The following IARS2 variants were observed in gnomAD, a reference collection of about 807,000 sequenced individuals.
IARS2 encodes the protein isoleucyl-tRNA synthetase 2, mitochondrial.
A neutral mutation model predicts 126.3 loss-of-function variants in IARS2; 56 were observed. The observed-to-expected ratio is 0.44, with a 90% CI of 0.36 to 0.55. The LOEUF is 0.55. Among genes scored for constraint, IARS2 ranks in the 20% least tolerant of loss-of-function variants. IARS2 has a pLI of 0.00. For missense variants in IARS2, 1,127 were observed against 1,245.9 expected, an observed-to-expected ratio of 0.90 and a Z score of 1.44; for synonymous variants, 407 against 441.1, an observed-to-expected ratio of 0.92 and a Z score of 0.97.
intron 7 of IARS2, 94 bp from the exon 8 acceptor site, chr1:220,103,353 C>A: frequency 1.2e-6 from 1 of 802,546 alleles, no homozygotes; most frequent in South Asian, 1.6e-5. Flanking sequence ...GGCCTGAAGT[C>A]AGTTTTTTCT....
chr1:220,121,979 T>C (rs1371021970), intron 12 of IARS2, among the ~76,000 whole-genome samples: 1 of 152,184 alleles, frequency 6.6e-6, no homozygotes, highest in East Asian at 1.9e-4. Flanking sequence ...TAGTCCCAGC[T>C]ACTCAGGAGG....
At chr1:220,098,686 G>T (rs1218885159) in intron 2 of IARS2, among the ~76,000 whole-genome samples, 1 of 152,084 alleles carries the variant, frequency 6.6e-6, no homozygotes, top group Non-Finnish European at 1.5e-5. Flanking sequence ...AGAGATAAAT[G>T]ACTCTTAAAA....
intron 14 of IARS2, among the ~76,000 whole-genome samples, chr1:220,134,027 CTTTCATGACA>C (rs1657319404): frequency 6.6e-6 from 1 of 151,330 alleles, no homozygotes; most frequent in Admixed American, 6.6e-5. Flanking sequence ...TGTTCTGTGT[CTTTCATGACA>C]TTTCATGACA....
intron 15 of IARS2, among the ~76,000 whole-genome samples, chr1:220,135,010 C>T (rs909298233): frequency 4.6e-5 from 7 of 152,112 alleles, no homozygotes; most frequent in African/African-American, 9.7e-5. Flanking sequence ...TGAAGCAGTC[C>T]TCCTGCCTTG....
intron 9 of IARS2, 33 bp from the exon 10 acceptor site, chr1:220,107,028 G>C: frequency 1.5e-6 from 2 of 1,303,710 alleles, no homozygotes; most frequent in Non-Finnish European, 2.2e-6. Flanking sequence ...AAAATGTCTT[G>C]ATATTTTAAT....
At chr1:220,136,997 TA>T in intron 16 of IARS2, 86 bp downstream of exon 16, 1 of 692,584 alleles carries the variant, frequency 1.4e-6, no homozygotes, top group Non-Finnish European at 2.4e-6. Flanking sequence ...TACTTCAATG[TA>T]AAAATAAAAA....
intron 1 of IARS2, among the ~76,000 whole-genome samples, chr1:220,094,831 A>G (rs1008833124): frequency 6.6e-6 from 1 of 152,108 alleles, no homozygotes; most frequent in African/African-American, 2.4e-5. Context: ...GTAAATTCAC[A>G]TGTCCACATG....
At chr1:220,115,159 C>G (rs1656888855) in intron 12 of IARS2, among the ~76,000 whole-genome samples, 1 of 152,200 alleles carries the variant, frequency 6.6e-6, no homozygotes, top group Non-Finnish European at 1.5e-5. Flanking sequence ...GTATCTCTAT[C>G]TTCTGCTCTG....
chr1:220,117,357 A>G (rs1656938199), intron 12 of IARS2, among the ~76,000 whole-genome samples: 1 of 151,432 alleles, frequency 6.6e-6, no homozygotes, highest in Admixed American at 6.6e-5. Context: ...ACGCCCGGCT[A>G]ATTTTATATA....
At chr1:220,098,166 C>A (rs563093501) in intron 2 of IARS2, among the ~76,000 whole-genome samples, 52 of 152,276 alleles carry the variant, frequency 3.4e-4, no homozygotes, top group African/African-American at 1.3e-3. Context: ...GGATTACAGG[C>A]GTGAGCCACT....
chr1:220,100,963 A>AT (rs1203733402), intron 3 of IARS2, among the ~76,000 whole-genome samples: 3 of 152,112 alleles, frequency 2.0e-5, no homozygotes, highest in African/African-American at 7.2e-5. Flanking sequence ...TTGTTGACTG[A>AT]TTTTAGGTGT....
chr1:220,119,706 C>T (rs1013206564), intron 12 of IARS2, among the ~76,000 whole-genome samples: 4 of 151,952 alleles, frequency 2.6e-5, no homozygotes, highest in Admixed American at 6.6e-5. Flanking sequence ...ATGTCCAATA[C>T]AGTTGTTTAT....
At position 220,137,792 on chromosome 1, in the gene IARS2, G is replaced by T. The variant is rs1657408676; in HGVS notation, c.2050-126G>T. 16 of 962,678 alleles carry T rather than the reference G, an allele frequency of 1.7e-5. No homozygotes were observed. In the South Asian group the frequency reaches 2.5e-4, roughly 15 times the overall value. 59.6% of individuals were successfully genotyped at this position (962,678 alleles called of 1,614,324 possible). ...GATTGTTAGCCCGCATTTCATTACAGTGCTAGTATAGTTTGTACTTACATT... is the reference window on the plus strand; with the variant it reads ...GATTGTTAGCCCGCATTTCATTACATTGCTAGTATAGTTTGTACTTACATT... On this transcript the variant is annotated intron_variant, in intron 16 of 22. Transcript: ENST00000366922.
At position 220,102,514 on chromosome 1, in the gene IARS2, G is replaced by C; in HGVS notation, c.769G>C (p.Glu257Gln). ...CCTTAGGACTGCATTGGCTGAAGCA[G>C]AACTTGAATATAATCCTGAGCATGT... Reference protein sequence around the residue: ...PSSRTALAEAELEYNPEHVSR... With the variant: ...PSSRTALAEAQLEYNPEHVSR... Residue 257 changes from glutamate to glutamine, a missense_variant, in exon 6 of 23, where the codon GAA becomes CAA. Transcript: ENST00000366922. 1 of 1,613,914 alleles carries C rather than the reference G, an allele frequency of 6.2e-7. No individual in the cohort carries two copies. The highest frequency in any genetic ancestry group is 8.5e-7 in the Non-Finnish European group (1 of 1,179,876).
At chr1:220,124,480 A>G (rs1407377783) in intron 12 of IARS2, among the ~76,000 whole-genome samples, 1 of 152,172 alleles carries the variant, frequency 6.6e-6, no homozygotes, top group Non-Finnish European at 1.5e-5. Flanking sequence ...TATTTTGCCA[A>G]CTGCTGTATC....
intron 3 of IARS2, among the ~76,000 whole-genome samples, chr1:220,101,782 C>T (rs1301648047): frequency 2.0e-5 from 3 of 152,110 alleles, no homozygotes; most frequent in African/African-American, 7.2e-5. Context: ...GGGTAGATCA[C>T]GAGGTCAGGA....
In IARS2 at chr1:220,102,733, G is replaced by T; in HGVS notation, c.906G>T (p.Trp302Cys). The change falls in exon 7 of 23, where the codon TGG (tryptophan) becomes TGT (cysteine). Residue 302 changes from tryptophan to cysteine, a missense_variant. By Grantham distance (215) the Trp-to-Cys change is radical (BLOSUM62 -2). Transcript: ENST00000366922. ...TTTTGGTCTGGACCACACAACCTTG[G>T]ACGATTCCAGCCAATGAAGCTGTTT... Reference protein sequence around the residue: ...VSILVWTTQPWTIPANEAVCY... With the variant: ...VSILVWTTQPCTIPANEAVCY... 6.2e-7 allele frequency: 1 copy of T among 1,613,788 alleles called. No individual in the cohort carries two copies. Among genetic ancestry groups the T allele is most frequent in the South Asian group, 1.1e-5 (1 of 91,068 alleles).
chr1:220,133,190 T>C (rs1558129525), intron 14 of IARS2, among the ~76,000 whole-genome samples: 1 of 152,206 alleles, frequency 6.6e-6, no homozygotes, highest in South Asian at 2.1e-4. Flanking sequence ...TTCGTGTTTT[T>C]AGAGATGGGG....
intron 12 of IARS2, among the ~76,000 whole-genome samples, chr1:220,124,496 T>C (rs143707673): frequency 6.6e-6 from 1 of 152,212 alleles, no homozygotes; most frequent in Admixed American, 6.5e-5. Flanking sequence ...GTATCTCTAG[T>C]GCCTGTGCCC....
Sources: allele counts gnomAD v4.1 joint callset (sites outside exome capture counted in the v4.1 genomes callset), GRCh38; gene constraint gnomAD v4.1.1; transcripts MANE v1.5; gene names NCBI Gene and HGNC (gene_info 2026-07-23, HGNC 2026-07-21).